GLI3: variants seen among roughly 807,000 people sequenced by gnomAD.
GLI3 encodes the protein transcription activator GLI3.
A neutral mutation model predicts 100.8 loss-of-function variants in GLI3; 20 were observed. The observed-to-expected ratio is 0.20, with a 90% CI of 0.14 to 0.29. GLI3 has a LOEUF of 0.29. GLI3 is among the 10% of genes least tolerant of loss of function. The pLI, the probability that GLI3 is intolerant of heterozygous loss-of-function variation, is 1.00. For synonymous variants in GLI3, 938 were observed against 860.5 expected (o/e 1.09, Z -1.58); for missense variants, 2,040 against 2,128.5 (o/e 0.96, Z 0.82).
chr7:41,970,216 A>C (rs979225925), intron 13 of GLI3, among the ~76,000 whole-genome samples: 6 of 152,202 alleles, frequency 3.9e-5, no homozygotes, highest in Admixed American at 2.0e-4. Flanking sequence ...TAGACAGAAG[A>C]GATGTTGCAT....
At chr7:42,188,292 T>C (rs958520839) in intron 2 of GLI3, among the ~76,000 whole-genome samples, 9 of 152,114 alleles carry the variant, frequency 5.9e-5, no homozygotes, top group Non-Finnish European at 1.2e-4. Flanking sequence ...GTAAACTAAC[T>C]AGGTGGAAAG....
intron 7 of GLI3, among the ~76,000 whole-genome samples, chr7:42,026,821 T>C (rs1374085269): frequency 6.6e-6 from 1 of 152,238 alleles, no homozygotes; most frequent in Non-Finnish European, 1.5e-5. Context: ...CGCTTTCATA[T>C]GTCTCCAGAT....
chr7:42,260,978 T>C (rs74315577), intron 1 of GLI3, among the ~76,000 whole-genome samples: 5,904 of 152,310 alleles, frequency 0.039, 126 homozygotes, highest in Middle Eastern at 0.14. Context: ...GCATACTCTC[T>C]GTGTTAGTCC....
intron 1 of GLI3, among the ~76,000 whole-genome samples, chr7:42,247,807 G>C (rs1231224410): frequency 1.3e-5 from 2 of 152,188 alleles, no homozygotes; most frequent in Non-Finnish European, 2.9e-5. Flanking sequence ...CTGGCTCCTT[G>C]TACAAGGAGT....
At chr7:42,094,929 C>T (rs1785305476) in intron 3 of GLI3, among the ~76,000 whole-genome samples, 2 of 152,100 alleles carry the variant, frequency 1.3e-5, no homozygotes, top group Admixed American at 1.3e-4. Context: ...CATCCCAGGT[C>T]CAAAGACCGC....
chr7:41,964,682 T>C lies in GLI3; in HGVS notation c.4391A>G (p.Asp1464Gly). The change falls in exon 15 of 15, where the codon GAC (aspartate) becomes GGC (glycine). Residue 1464 changes from aspartate (D) to glycine (G), a missense_variant. Physicochemically the swap from Asp to Gly is moderately conservative, Grantham distance 94. Coordinates refer to ENST00000395925, the MANE Select transcript of GLI3 (RefSeq NM_000168.6). ...GGTCCCCTGTAGCAGGCAGCTGGCG[T>C]CTGAAATAGAGAATGAACCAGCTTT... ...DTKAGSFSIS[D>G]ASCLLQGTSA... 6.2e-7 allele frequency: 1 copy of C among 1,614,002 alleles called. No individual in the cohort carries two copies. Among genetic ancestry groups the C allele is most frequent in the Non-Finnish European group, 8.5e-7 (1 of 1,179,930 alleles).
intron 10 of GLI3, 59 bp from the exon 11 acceptor site, chr7:41,978,807 C>T (rs568432872): frequency 3.1e-5 from 47 of 1,516,776 alleles, no homozygotes; most frequent in African/African-American, 6.8e-5. Flanking sequence ...TTTCTGAAGG[C>T]GACAGAAGAA....
At chr7:41,992,441 A>C (rs757947404) in intron 10 of GLI3, among the ~76,000 whole-genome samples, 1 of 152,140 alleles carries the variant, frequency 6.6e-6, no homozygotes, top group Non-Finnish European at 1.5e-5. Context: ...AGAGAAGACA[A>C]TCCTGGACAT....
Position 41,961,773 on chromosome 7 carries a change from A to G in GLI3, c.*2557T>C, listed in dbSNP as rs975945871. 6.6e-6 allele frequency: 1 copy of G among 152,308 alleles called. No homozygotes were observed. Among genetic ancestry groups the G allele is most frequent in the Non-Finnish European group, 1.5e-5 (1 of 68,078 alleles). The allele number at this position is 152,308 out of a possible 1,614,324, so 9.4% of individuals were successfully genotyped here. A position where few individuals can be genotyped will look rare whatever the true frequency, so the allele number is the denominator to read the frequency against. On this transcript the variant is annotated 3_prime_UTR_variant, in exon 15 of 15. Transcript: ENST00000395925. ...GATCCCAAAAGGATGTCCCAAAAAGATGCTTCTAAGTGACCTCAAAAGACC... is the reference window on the plus strand; with the variant it reads ...GATCCCAAAAGGATGTCCCAAAAAGGTGCTTCTAAGTGACCTCAAAAGACC...
intron 2 of GLI3, among the ~76,000 whole-genome samples, chr7:42,185,812 C>T (rs1305241110): frequency 6.6e-6 from 1 of 152,198 alleles, no homozygotes. Context: ...TGTGTACTCA[C>T]TTTCCTGGGT....
At chr7:42,188,896 A>G (rs1371767879) in intron 2 of GLI3, among the ~76,000 whole-genome samples, 2 of 152,208 alleles carry the variant, frequency 1.3e-5, no homozygotes, top group Admixed American at 6.5e-5. Flanking sequence ...ACTACTCTGT[A>G]TAATACTATA....
At chr7:41,998,105 A>G (rs1788181693) in intron 10 of GLI3, among the ~76,000 whole-genome samples, 1 of 152,168 alleles carries the variant, frequency 6.6e-6, no homozygotes, top group Non-Finnish European at 1.5e-5. Flanking sequence ...TGGCTCCACC[A>G]GGTCATTCTA....
chr7:42,108,547 C>T (rs1583563966), intron 3 of GLI3, among the ~76,000 whole-genome samples: 2 of 152,252 alleles, frequency 1.3e-5, no homozygotes, highest in South Asian at 2.1e-4. Context: ...TTATTTCTGT[C>T]CTTTGTGCAG....
rs1241661904 is a variant in GLI3, at chr7:41,977,561, A to G, written c.1809T>C (p.Asn603=). 1 of 1,614,130 alleles carries G rather than the reference A, an allele frequency of 6.2e-7. No individual in the cohort carries two copies. Among genetic ancestry groups the G allele is most frequent in the Non-Finnish European group, 8.5e-7 (1 of 1,179,998 alleles). ...RAKHQNRTHS[N]EKPYVCKIPG... The stretch of plus-strand genomic sequence containing the variant: ...CATGCCCACTGAGGATGCTTACCTC[A>G]TTGGAATGCGTTCTGTTTTGGTGTT... Residue 603 remains asparagine, a synonymous_variant, in exon 12 of 15, where the codon AAT becomes AAC. Coordinates refer to ENST00000395925, the MANE Select transcript of GLI3 (RefSeq NM_000168.6).
intron 2 of GLI3, among the ~76,000 whole-genome samples, chr7:42,167,127 T>C (rs1787261852): frequency 6.6e-6 from 1 of 152,162 alleles, no homozygotes; most frequent in Non-Finnish European, 1.5e-5. Context: ...GTGCCTGGCC[T>C]GGTTCTGATT....
At chr7:42,194,977 G>C (rs1238184923) in intron 2 of GLI3, among the ~76,000 whole-genome samples, 1 of 151,888 alleles carries the variant, frequency 6.6e-6, no homozygotes, top group East Asian at 1.9e-4. Context: ...ATGTTGGTCA[G>C]GGTGTTCTCA....
At chr7:42,011,621 T>C (rs1788615527) in intron 10 of GLI3, among the ~76,000 whole-genome samples, 1 of 152,168 alleles carries the variant, frequency 6.6e-6, no homozygotes, top group Non-Finnish European at 1.5e-5. Context: ...TCAATGAACT[T>C]TGAAAACATG....
At chr7:42,135,805 G>A (rs1484252694) in intron 3 of GLI3, among the ~76,000 whole-genome samples, 2 of 152,164 alleles carry the variant, frequency 1.3e-5, no homozygotes, top group African/African-American at 4.8e-5. Flanking sequence ...GACATGAACT[G>A]TCCATATTAG....
At chr7:42,171,210 A>T (rs954568664) in intron 2 of GLI3, among the ~76,000 whole-genome samples, 1 of 152,224 alleles carries the variant, frequency 6.6e-6, no homozygotes, top group African/African-American at 2.4e-5. Flanking sequence ...ATGTGATTTC[A>T]TGGCCTTTTC....
Sources: allele counts gnomAD v4.1 joint callset (sites outside exome capture counted in the v4.1 genomes callset), GRCh38; gene constraint gnomAD v4.1.1; transcripts MANE v1.5; gene names NCBI Gene and HGNC (gene_info 2026-07-23, HGNC 2026-07-21).